The following PCDH19 variants were observed in gnomAD, a reference collection of about 807,000 sequenced individuals.
PCDH19 encodes the protein protocadherin-19.
A neutral mutation model predicts 46.2 loss-of-function variants in PCDH19; 6 were observed. The ratio of observed to expected loss-of-function variants is 0.13; its 90% confidence interval spans 0.07 to 0.26. The LOEUF is 0.26. Ranked by LOEUF, PCDH19 falls within the 10% of genes least tolerant of loss-of-function variation. The pLI, the probability that PCDH19 is intolerant of heterozygous loss-of-function variation, is 1.00. For synonymous variants in PCDH19, 481 were observed against 415.7 expected (o/e 1.16, Z -1.91); for missense variants, 740 against 972.3 (o/e 0.76, Z 3.18).
chrX:100,369,537 G>T (rs1354366821), intron 3 of PCDH19, among the ~76,000 whole-genome samples: 1 of 112,224 alleles, frequency 8.9e-6, no homozygotes, highest in Non-Finnish European at 1.9e-5. Flanking sequence ...ATAAATATTT[G>T]TACTCAACGT....
intron 5 of PCDH19, among the ~76,000 whole-genome samples, chrX:100,340,619 C>T (rs932500749): frequency 1.9e-4 from 21 of 111,598 alleles, no homozygotes; most frequent in African/African-American, 5.2e-4. Context: ...GATGTCACCA[C>T]TCACCAATTA....
chrX:100,345,863 G>C (rs1247903345), intron 4 of PCDH19, among the ~76,000 whole-genome samples: 2 of 111,847 alleles, frequency 1.8e-5, no homozygotes, highest in Non-Finnish European at 3.8e-5. Context: ...GTGGTTTAAT[G>C]AATGGATTTG....
At chrX:100,299,021 T>C (rs1038456127) in intron 5 of PCDH19, among the ~76,000 whole-genome samples, 2 of 111,343 alleles carry the variant, frequency 1.8e-5, no homozygotes, top group Non-Finnish European at 3.8e-5. Flanking sequence ...AGTGAGAGTG[T>C]TTCAGGGTAG....
chrX:100,313,704 A>G (rs749068081), intron 5 of PCDH19, among the ~76,000 whole-genome samples: 45 of 111,397 alleles, frequency 4.0e-4, no homozygotes, highest in Admixed American at 9.5e-4. Flanking sequence ...ATATTAAGAC[A>G]TGGCACAACT....
At chrX:100,332,722 T>C (rs1460091481) in intron 5 of PCDH19, among the ~76,000 whole-genome samples, 1 of 110,913 alleles carries the variant, frequency 9.0e-6, no homozygotes, top group Non-Finnish European at 1.9e-5. Flanking sequence ...AGGACAGAAA[T>C]AATGTTAGGC....
chrX:100,406,430 A>C, intron 1 of PCDH19, 21 bp downstream of exon 1: 1 of 1,132,090 alleles, frequency 8.8e-7, no homozygotes. Flanking sequence ...TCCAAGACAA[A>C]GAAAGAAAAC....
chrX:100,305,786 A>G, intron 5 of PCDH19, among the ~76,000 whole-genome samples: 1 of 112,145 alleles, frequency 8.9e-6, no homozygotes, highest in East Asian at 2.8e-4. Flanking sequence ...ACATCAGACA[A>G]ATTTTAAAGC....
intron 5 of PCDH19, among the ~76,000 whole-genome samples, chrX:100,338,521 CAAAAAA>C (rs67274603): frequency 1.7e-5 from 1 of 57,710 alleles, no homozygotes. Flanking sequence ...GACTCTGTCT[CAAAAAA>C]AAAAAAAAAA....
chrX:100,321,501 T>C (rs866566412), intron 5 of PCDH19, among the ~76,000 whole-genome samples: 2 of 112,277 alleles, frequency 1.8e-5, no homozygotes, highest in Middle Eastern at 4.6e-3. Flanking sequence ...GGTTTTCATT[T>C]GCATTTCCCT....
At chrX:100,330,034 C>T (rs1925828091) in intron 5 of PCDH19, among the ~76,000 whole-genome samples, 1 of 112,526 alleles carries the variant, frequency 8.9e-6, no homozygotes, top group South Asian at 3.7e-4. Flanking sequence ...ATTTGACTTG[C>T]TTTGTTTTAT....
At chrX:100,398,459 G>A (rs1928085780) in intron 3 of PCDH19, among the ~76,000 whole-genome samples, 1 of 112,102 alleles carries the variant, frequency 8.9e-6, no homozygotes, top group Non-Finnish European at 1.9e-5. Flanking sequence ...CTTCCATTCA[G>A]CACTAAATTT....
At chrX:100,331,544 G>A (rs999215630) in intron 5 of PCDH19, among the ~76,000 whole-genome samples, 7 of 111,712 alleles carry the variant, frequency 6.3e-5, no homozygotes, top group African/African-American at 2.3e-4. Context: ...CTTGATGATT[G>A]ATATGGTTTA....
intron 5 of PCDH19, among the ~76,000 whole-genome samples, chrX:100,339,850 T>G (rs765954267): frequency 8.9e-6 from 1 of 112,333 alleles, no homozygotes; most frequent in South Asian, 3.7e-4. Flanking sequence ...GATACACACA[T>G]GCAAATCAAA....
chrX:100,398,915 C>A (rs1347740853), intron 3 of PCDH19, among the ~76,000 whole-genome samples: 1 of 111,706 alleles, frequency 9.0e-6, no homozygotes, highest in African/African-American at 3.3e-5. Context: ...TATGTAGTAC[C>A]CTTTTGTCCC....
rs146191935 is a variant in PCDH19 at position 100,392,306 on chromosome X, T to C, written c.2616+10218A>G. ...TTTTCTATTTCTAAAGAATTACCAG[T>C]AAAGGCAAAATAGAATGACCTAGAA... On this transcript the variant is annotated intron_variant, in intron 3 of 5. Coordinates refer to ENST00000373034, the MANE Select transcript of PCDH19 (RefSeq NM_001184880.2). 2.8e-4 allele frequency among the ~76,000 whole-genome samples: 31 copies of C among 112,237 alleles called. 1 individual carries two copies. The East Asian group carries it at 8.4e-3, about 30-fold the overall frequency.
intron 5 of PCDH19, among the ~76,000 whole-genome samples, chrX:100,309,792 C>A (rs1242642737): frequency 8.9e-6 from 1 of 111,996 alleles, no homozygotes; most frequent in Non-Finnish European, 1.9e-5. Context: ...AAAAGGCCAG[C>A]CCTGGTTAGC....
chrX:100,372,748 T>C (rs905140831), intron 3 of PCDH19, among the ~76,000 whole-genome samples: 11 of 112,451 alleles, frequency 9.8e-5, no homozygotes, highest in African/African-American at 3.2e-4. Flanking sequence ...GGGGAAACTC[T>C]GTTCTAGCTG....
At chrX:100,337,587 G>C (rs1471389675) in intron 5 of PCDH19, among the ~76,000 whole-genome samples, 3 of 111,962 alleles carry the variant, frequency 2.7e-5, no homozygotes, top group Non-Finnish European at 5.6e-5. Context: ...CAACTGACCT[G>C]GTCTTAGGCA....
chrX:100,315,512 T>C (rs181550347), intron 5 of PCDH19, among the ~76,000 whole-genome samples: 2 of 112,401 alleles, frequency 1.8e-5, no homozygotes, highest in East Asian at 5.7e-4. Context: ...AAGCTTCATC[T>C]TGGTGAATTG....
Sources: gnomAD v4.1 joint callset for allele counts (sites outside exome capture counted in the v4.1 genomes callset) on GRCh38, gnomAD v4.1.1 for gene constraint, MANE v1.5 for transcripts, NCBI Gene and HGNC (gene_info 2026-07-23, HGNC 2026-07-21) for gene names.